FAHD2A: variants seen among roughly 807,000 people sequenced by gnomAD.
FAHD2A encodes oxaloacetate tautomerase FAHD2A, mitochondrial.
In FAHD2A, 27 loss-of-function variants were observed where a neutral mutation model predicts 33.4. The observed-to-expected ratio is 0.81, with a 90% CI of 0.60 to 1.11. FAHD2A has a LOEUF of 1.11. Ranked by LOEUF, FAHD2A falls within the 50% of genes most tolerant of loss-of-function variation. The pLI is 0.00. For missense variants in FAHD2A, 296 were observed against 395.0 expected (o/e 0.75, Z 2.12); for synonymous variants, 130 against 153.3 (o/e 0.85, Z 1.12).
chr2:95,415,594 A>C lies in FAHD2A; in HGVS notation c.*2637A>C, dbSNP rs3866292. 2 of 152,638 alleles carry C rather than the reference A, an allele frequency of 1.3e-5. No individual in the cohort carries two copies. The highest frequency in any genetic ancestry group is 1.3e-4 in the Admixed American group (2 of 15,280). The allele number at this position is 152,638 out of a possible 1,614,324, so 9.5% of individuals were successfully genotyped here. On this transcript the variant is annotated 3_prime_UTR_variant, in exon 8 of 8. Transcript: ENST00000233379. ...GCTGTTTATCTTCTGCCTGTCAGGC[A>C]GGCGGCAACACTCTCCATGTATCAC... is the stretch of plus-strand genomic sequence containing the variant.
At chr2:95,419,829 G>A (rs1419978491), downstream of FAHD2A, among the ~76,000 whole-genome samples, 2 of 152,132 alleles carry the variant, frequency 1.3e-5, no homozygotes, top group East Asian at 1.9e-4. Context: ...GGAACAGAGT[G>A]GGGGCAGGGG....
intron 5 of FAHD2A, among the ~76,000 whole-genome samples, chr2:95,411,907 T>C (rs988955664): frequency 3.9e-5 from 6 of 152,228 alleles, no homozygotes; most frequent in Non-Finnish European, 1.5e-5. Context: ...CGCCTCAGCC[T>C]CCTGAGTAGC....
chr2:95,420,797 C>G (rs935428484), downstream of FAHD2A, among the ~76,000 whole-genome samples: 1 of 151,878 alleles, frequency 6.6e-6, no homozygotes, highest in African/African-American at 2.4e-5. Flanking sequence ...GGCTATGACC[C>G]CATAACCTTA....
intron 1 of FAHD2A, among the ~76,000 whole-genome samples, chr2:95,404,168 G>A (rs1458834914): frequency 1.3e-5 from 2 of 152,210 alleles, no homozygotes; most frequent in Non-Finnish European, 1.5e-5. Flanking sequence ...TAAGAGCAAG[G>A]AACCATTCAG....
intron 3 of FAHD2A, among the ~76,000 whole-genome samples, chr2:95,408,224 G>T (rs1310412555): frequency 2.6e-5 from 4 of 152,030 alleles, no homozygotes; most frequent in Non-Finnish European, 5.9e-5. Flanking sequence ...TATTTAATAT[G>T]AAATCCAATT....
rs1682888711 is a variant in FAHD2A, at chr2:95,413,804, G to A, written c.*847G>A. Reference sequence around the variant, plus strand: ...CCCACCTTCTCCAACCCATCACCACGTCTATTGCTGGAAGACACCAAGTAA... The same window carrying A: ...CCCACCTTCTCCAACCCATCACCACATCTATTGCTGGAAGACACCAAGTAA... On this transcript the variant is annotated 3_prime_UTR_variant, in exon 8 of 8. Coordinates refer to ENST00000233379, the MANE Select transcript of FAHD2A (RefSeq NM_016044.3). 1.1e-5 allele frequency: 8 copies of A among 717,118 alleles called. No individual in the cohort carries two copies. Among genetic ancestry groups the A allele is most frequent in the South Asian group, 5.3e-5 (3 of 56,912 alleles). 44.4% of individuals were successfully genotyped at this position (717,118 alleles called of 1,614,324 possible). A position where few individuals can be genotyped will look rare whatever the true frequency, so the allele number is the denominator to read the frequency against.
downstream of FAHD2A, among the ~76,000 whole-genome samples, chr2:95,420,665 G>T (rs1249118322): frequency 6.6e-6 from 1 of 151,622 alleles, no homozygotes; most frequent in Non-Finnish European, 1.5e-5. Context: ...AAGAAAAACA[G>T]GTAAGTGAAA....
chr2:95,406,049 G>A (rs1019212423), intron 2 of FAHD2A, among the ~76,000 whole-genome samples: 19 of 151,448 alleles, frequency 1.3e-4, no homozygotes, highest in Non-Finnish European at 2.1e-4. Context: ...TGTGGTGCTG[G>A]AACCAGGACT....
rs1681721281 is a variant in FAHD2A at position 95,407,136 on chromosome 2, G to A, written c.441G>A (p.Val147=). 2 of 1,612,020 alleles carry A rather than the reference G, an allele frequency of 1.2e-6. No homozygotes were observed. The highest frequency in any genetic ancestry group is 2.2e-5 in the East Asian group (1 of 44,884). ...CCATCGTGGGGCCCTATGATGAGGTGGTCCTCCCACCACAGAGCCAGGTCA... is the reference window on the plus strand; with the variant it reads ...CCATCGTGGGGCCCTATGATGAGGTAGTCCTCCCACCACAGAGCCAGGTCA... ...ASSIVGPYDE[V]VLPPQSQEVD... Residue 147 remains valine (V), a synonymous_variant, in exon 3 of 8, where the codon GTG becomes GTA. Coordinates refer to ENST00000233379, the MANE Select transcript of FAHD2A (RefSeq NM_016044.3).
intron 5 of FAHD2A, among the ~76,000 whole-genome samples, chr2:95,411,702 G>A (rs1338218523): frequency 1.3e-5 from 2 of 152,246 alleles, no homozygotes; most frequent in African/African-American, 4.8e-5. Flanking sequence ...TAGCCAGGAT[G>A]TTCTTACAGT....
chr2:95,412,715 G>T lies in FAHD2A; in HGVS notation c.833G>T (p.Gly278Val), dbSNP rs1682740825. The T allele has an allele frequency of 6.2e-7, 1 of 1,614,118 alleles. No individual in the cohort carries two copies. The highest frequency in any genetic ancestry group is 2.2e-5 in the East Asian group (1 of 44,874). Residue 278 changes from glycine to valine, a missense_variant, in exon 7 of 8, where the codon GGG becomes GTG. Physicochemically the swap from Gly to Val is moderately radical, Grantham distance 109 (BLOSUM62 -3). Coordinates refer to ENST00000233379, the MANE Select transcript of FAHD2A (RefSeq NM_016044.3). ...TACCCAGGGGATGTCATCCTAACTG[G>T]GACCCCCCCAGGTGTCGGTGTATTC... ...TFYPGDVILT[G>V]TPPGVGVFRK...
At chr2:95,411,764 A>T (rs2104375208) in intron 5 of FAHD2A, among the ~76,000 whole-genome samples, 1 of 152,296 alleles carries the variant, frequency 6.6e-6, no homozygotes, top group South Asian at 2.1e-4. Flanking sequence ...TCCCGGCTAG[A>T]ACCATTGCCT....
Position 95,414,467 on chromosome 2 carries a change from G to C in FAHD2A, c.*1510G>C. The C allele has an allele frequency of 2.0e-6, 1 of 511,890 alleles. No individual in the cohort carries two copies. The highest frequency in any genetic ancestry group is 3.6e-6 in the Non-Finnish European group (1 of 281,290). 31.7% of individuals were successfully genotyped at this position (511,890 alleles called of 1,614,324 possible). On this transcript the variant is annotated 3_prime_UTR_variant, in exon 8 of 8. Transcript: ENST00000233379. ...CCTCCACTGCTTCGTCCCAGATTCT[G>C]TTTTTGTTTTCCTGAATCAGACTTA...
chr2:95,414,580 T>C lies in FAHD2A; in HGVS notation c.*1623T>C. 1 of 267,844 alleles carries C rather than the reference T, an allele frequency of 3.7e-6. No individual in the cohort carries two copies. The highest frequency in any genetic ancestry group is 7.3e-6 in the Non-Finnish European group (1 of 137,318). The allele number at this position is 267,844 out of a possible 1,614,324, so 16.6% of individuals were successfully genotyped here. ...TCTCCGCGGCCTTCCTCCTCCCTGCTCCAGAATTCTACTTGGTGCCCCCCA... is the reference window on the plus strand; with the variant it reads ...TCTCCGCGGCCTTCCTCCTCCCTGCCCCAGAATTCTACTTGGTGCCCCCCA... On this transcript the variant is annotated 3_prime_UTR_variant, in exon 8 of 8. Coordinates refer to ENST00000233379, the MANE Select transcript of FAHD2A (RefSeq NM_016044.3).
At chr2:95,407,329 C>T (rs1219245015) in intron 3 of FAHD2A, 172 bp downstream of exon 3, 21 of 937,786 alleles carry the variant, frequency 2.2e-5, no homozygotes, top group Non-Finnish European at 3.1e-5. Context: ...AGTTAATGTA[C>T]GTGTTTTCCT....
In FAHD2A at chr2:95,414,447, A is replaced by G. The variant is rs549461943; in HGVS notation, c.*1490A>G. ...GCCTGCACCCCGTCTCAGTTCCTCC[A>G]CTGCTTCGTCCCAGATTCTGTTTTT... On this transcript the variant is annotated 3_prime_UTR_variant, in exon 8 of 8. Coordinates refer to ENST00000233379, the MANE Select transcript of FAHD2A (RefSeq NM_016044.3). 21 of 552,488 alleles carry G rather than the reference A, an allele frequency of 3.8e-5. No individual in the cohort carries two copies. The highest frequency in any genetic ancestry group is 3.6e-4 in the African/African-American group (19 of 52,238). The allele number at this position is 552,488 out of a possible 1,614,324, so 34.2% of individuals were successfully genotyped here.
At chr2:95,405,184 G>A (rs1027587948) in intron 1 of FAHD2A, 1 of 186,278 alleles carries the variant, frequency 5.4e-6, no homozygotes, top group African/African-American at 2.3e-5. Context: ...AGTCCTGATA[G>A]CTGAATCTTA....
At chr2:95,421,183 G>A (rs1683310218), downstream of FAHD2A, among the ~76,000 whole-genome samples, 1 of 112,926 alleles carries the variant, frequency 8.9e-6, no homozygotes, top group Non-Finnish European at 1.7e-5. Context: ...GCTGAGACCT[G>A]AGGCCTCCTT....
downstream of FAHD2A, among the ~76,000 whole-genome samples, chr2:95,418,952 G>A (rs986287491): frequency 2.6e-5 from 4 of 152,090 alleles, no homozygotes; most frequent in African/African-American, 9.7e-5. Context: ...GTCCTTGTAA[G>A]AGAGAGAAAG....
Sources: gnomAD v4.1 joint callset for allele counts (sites outside exome capture counted in the v4.1 genomes callset) on GRCh38, gnomAD v4.1.1 for gene constraint, MANE v1.5 for transcripts, NCBI Gene and HGNC (gene_info 2026-07-23, HGNC 2026-07-21) for gene names.